The following MAGI2 variants were observed in gnomAD, a reference collection of about 807,000 sequenced individuals.
MAGI2 encodes membrane associated guanylate kinase, WW and PDZ domain containing 2, also known as membrane-associated guanylate kinase, WW and PDZ domain-containing protein 2.
In MAGI2, 35 loss-of-function variants were observed where a neutral mutation model predicts 133.3. The observed-to-expected ratio is 0.26, with a 90% CI of 0.20 to 0.35. The LOEUF (loss-of-function observed/expected upper bound fraction) is 0.35, where lower values mean the gene tolerates loss of function less well. Ranked by LOEUF, MAGI2 falls within the 10% of genes least tolerant of loss-of-function variation. MAGI2 has a pLI of 1.00. For synonymous variants in MAGI2, 729 were observed against 710.6 expected (o/e 1.03, Z -0.41); for missense variants, 1,636 against 1,863.4 (o/e 0.88, Z 2.25).
At chr7:79,405,265 C>T (rs1845728252) in intron 1 of MAGI2, among the ~76,000 whole-genome samples, 1 of 152,064 alleles carries the variant, frequency 6.6e-6, no homozygotes, top group Non-Finnish European at 1.5e-5. Context: ...CACAGCCATG[C>T]AAATGTTAGG....
At chr7:78,635,307 G>A (rs1162438354) in intron 2 of MAGI2, among the ~76,000 whole-genome samples, 2 of 152,112 alleles carry the variant, frequency 1.3e-5, no homozygotes, top group Admixed American at 6.6e-5. Context: ...GGAAGAAAAG[G>A]GCATTTGTGG....
At chr7:79,236,540 C>A (rs552543121) in intron 1 of MAGI2, among the ~76,000 whole-genome samples, 50 of 152,280 alleles carry the variant, frequency 3.3e-4, no homozygotes, top group African/African-American at 1.1e-3. Flanking sequence ...CAAAGCTGAC[C>A]AGCAATCTCC....
At chr7:78,243,275 T>C (rs143699384) in intron 10 of MAGI2, among the ~76,000 whole-genome samples, 1 of 45,308 alleles carries the variant, frequency 2.2e-5, no homozygotes, top group African/African-American at 5.4e-5. Flanking sequence ...ACACACTCTC[T>C]CTCTCTCTCT....
intron 1 of MAGI2, among the ~76,000 whole-genome samples, chr7:79,408,156 G>A (rs188767761): frequency 2.0e-5 from 3 of 152,148 alleles, no homozygotes; most frequent in African/African-American, 7.2e-5. Context: ...ACTGCTAAAT[G>A]TTTTGTGTAC....
In MAGI2 at chr7:78,400,294, A is replaced by T. The variant is rs909325404; in HGVS notation, c.1046-31081T>A. ...CTTTCTACTTAAACTCAGCAGCAGC[A>T]GAAAACAATGTTTCTAGGTTCCTCT... On this transcript the variant is annotated intron_variant, in intron 6 of 21. Transcript: ENST00000354212. Among the ~76,000 whole-genome samples the T allele has an allele frequency of 5.3e-5, 8 of 152,326 alleles. No homozygotes were observed. The East Asian group carries it at 1.4e-3, about 26-fold the overall frequency.
chr7:78,614,300 A>G (rs1806820573), intron 3 of MAGI2: 1 of 151,848 alleles, frequency 6.6e-6, no homozygotes, highest in African/African-American at 2.4e-5. Flanking sequence ...AAAAAAAAAA[A>G]AAAAGAAGCA....
intron 4 of MAGI2, among the ~76,000 whole-genome samples, chr7:78,510,794 A>T (rs556757694): frequency 6.6e-6 from 1 of 152,194 alleles, no homozygotes; most frequent in Non-Finnish European, 1.5e-5. Flanking sequence ...CCGAGCTACA[A>T]ACTTGGCATC....
At chr7:79,281,028 A>G (rs1257838218) in intron 1 of MAGI2, among the ~76,000 whole-genome samples, 1 of 151,164 alleles carries the variant, frequency 6.6e-6, no homozygotes, top group Non-Finnish European at 1.5e-5. Context: ...ACTGTTTCAA[A>G]TAAGTGACAT....
chr7:78,432,901 A>G (rs149923550), intron 6 of MAGI2, among the ~76,000 whole-genome samples: 5 of 152,200 alleles, frequency 3.3e-5, no homozygotes, highest in African/African-American at 7.2e-5. Context: ...CAATGTGACA[A>G]ATATCTAATA....
chr7:78,838,857 A>C (rs1240766294), intron 2 of MAGI2, among the ~76,000 whole-genome samples: 1 of 152,122 alleles, frequency 6.6e-6, no homozygotes, highest in African/African-American at 2.4e-5. Flanking sequence ...ACAATAACTA[A>C]GCAAGAGTGA....
intron 2 of MAGI2, among the ~76,000 whole-genome samples, chr7:78,847,150 A>T (rs1792690965): frequency 6.6e-6 from 1 of 152,070 alleles, no homozygotes; most frequent in South Asian, 2.1e-4. Context: ...AGAAGAATCA[A>T]ATAATAAAAT....
intron 2 of MAGI2, among the ~76,000 whole-genome samples, chr7:78,662,547 A>G (rs1370586491): frequency 6.6e-6 from 1 of 152,182 alleles, no homozygotes; most frequent in Non-Finnish European, 1.5e-5. Flanking sequence ...TTTGCTTTGC[A>G]GAAAAGTGTG....
chr7:78,064,328 TTGTGTGTGTG>T (rs3840609), intron 21 of MAGI2, among the ~76,000 whole-genome samples: 2 of 148,494 alleles, frequency 1.3e-5, no homozygotes, highest in African/African-American at 4.9e-5. Flanking sequence ...TGTGATGGTT[TTGTGTGTGTG>T]TGTGTGTGTG....
intron 20 of MAGI2, among the ~76,000 whole-genome samples, chr7:78,094,180 A>G (rs1233230802): frequency 1.3e-5 from 2 of 152,168 alleles, no homozygotes; most frequent in Non-Finnish European, 2.9e-5. Flanking sequence ...TTAGACAGAT[A>G]CCTTTAACAC....
chr7:79,047,015 T>C (rs967406349), intron 1 of MAGI2, among the ~76,000 whole-genome samples: 1 of 152,186 alleles, frequency 6.6e-6, no homozygotes, highest in African/African-American at 2.4e-5. Flanking sequence ...GTTTCAAGTG[T>C]TCATTTTGAA....
At chr7:78,026,837 G>A (rs28677118) in intron 21 of MAGI2, among the ~76,000 whole-genome samples, 3,991 of 152,258 alleles carry the variant, frequency 0.026, 164 homozygotes, top group African/African-American at 0.091. Context: ...TAACGACTGC[G>A]TCTTGGATTA....
At chr7:78,443,830 T>G (rs1787863314) in intron 6 of MAGI2, among the ~76,000 whole-genome samples, 1 of 152,176 alleles carries the variant, frequency 6.6e-6, no homozygotes, top group Non-Finnish European at 1.5e-5. Context: ...GTCTCAAAGT[T>G]AGACTCCTGG....
intron 1 of MAGI2, among the ~76,000 whole-genome samples, chr7:79,242,579 G>A (rs1401939765): frequency 6.6e-6 from 1 of 151,988 alleles, no homozygotes; most frequent in Non-Finnish European, 1.5e-5. Context: ...AGTTATCTAG[G>A]TACATTTTTA....
intron 2 of MAGI2, among the ~76,000 whole-genome samples, chr7:78,717,248 A>G (rs1437182677): frequency 1.3e-5 from 2 of 149,686 alleles, no homozygotes; most frequent in African/African-American, 4.9e-5. Flanking sequence ...TCTTAACAGT[A>G]ACATGGAAGT....
Sources: gnomAD v4.1 joint callset for allele counts (sites outside exome capture counted in the v4.1 genomes callset) on GRCh38, gnomAD v4.1.1 for gene constraint, MANE v1.5 for transcripts, NCBI Gene and HGNC (gene_info 2026-07-23, HGNC 2026-07-21) for gene names.